The following CCDC57 variants were observed in gnomAD, a reference collection of about 807,000 sequenced individuals.
CCDC57 encodes the protein coiled-coil domain-containing protein 57.
Under a neutral mutation model 118.9 loss-of-function variants are expected in CCDC57, and 118 were observed. That is an observed-to-expected ratio of 0.99 (90% CI 0.86 to 1.16). The LOEUF is 1.16. Ranked by LOEUF, CCDC57 falls within the 50% of genes most tolerant of loss-of-function variation. The pLI, the probability that CCDC57 is intolerant of heterozygous loss-of-function variation, is 0.00. For missense variants in CCDC57, 1,300 were observed against 1,320.7 expected (o/e 0.98, Z 0.24); for synonymous variants, 527 against 532.9 (o/e 0.99, Z 0.15).
At chr17:82,166,169 T>C (rs887545463) in intron 13 of CCDC57, among the ~76,000 whole-genome samples, 3 of 151,672 alleles carry the variant, frequency 2.0e-5, no homozygotes, top group Non-Finnish European at 4.4e-5. Context: ...AAAATCTCAA[T>C]GTGAATGAAA....
chr17:82,166,779 C>T (rs2044037541), intron 13 of CCDC57, among the ~76,000 whole-genome samples: 1 of 151,386 alleles, frequency 6.6e-6, no homozygotes. Context: ...TGTGGTGGTG[C>T]ACACCTGTAG....
intron 13 of CCDC57, among the ~76,000 whole-genome samples, chr17:82,166,002 A>G (rs2043945916): frequency 6.6e-6 from 1 of 152,196 alleles, no homozygotes; most frequent in Non-Finnish European, 1.5e-5. Context: ...TCCATGATAC[A>G]GTAACAAATT....
chr17:82,102,254 C>T (rs540458463), intron 19 of CCDC57, among the ~76,000 whole-genome samples: 31 of 152,302 alleles, frequency 2.0e-4, no homozygotes, highest in African/African-American at 7.2e-4. Context: ...AAGCTCCTCC[C>T]CCCAGGCTGC....
At chr17:82,140,498 G>T (rs2039872967) in intron 16 of CCDC57, among the ~76,000 whole-genome samples, 1 of 152,220 alleles carries the variant, frequency 6.6e-6, no homozygotes, top group Non-Finnish European at 1.5e-5. Flanking sequence ...CGGGATTACA[G>T]GTGTGAGCCA....
At chr17:82,184,033 A>T (rs11650529) in intron 8 of CCDC57, 101 bp from the exon 8 acceptor site, 7 of 171,424 alleles carry the variant, frequency 4.1e-5, no homozygotes, top group Non-Finnish European at 7.2e-5. Flanking sequence ...GCGCGCGCGC[A>T]CACACACACA....
At chr17:82,137,013 CTTTTTT>C (rs36143411) in intron 16 of CCDC57, among the ~76,000 whole-genome samples, 1 of 125,226 alleles carries the variant, frequency 8.0e-6, no homozygotes, top group South Asian at 2.5e-4. Flanking sequence ...TGGTGTACTA[CTTTTTT>C]TTTTTTTTTT....
At position 82,134,121 on chromosome 17, in the gene CCDC57, CA is replaced by C; in HGVS notation, c.2528del (p.Leu843TrpfsTer60). Reference sequence around the variant, plus strand: ...CCTGTCCCAAAGGTGGGCTGCGATCCAAAGGCCTCCTGGGCTCCTCGCCTGG... The same window carrying C: ...CCTGTCCCAAAGGTGGGCTGCGATCCAAGGCCTCCTGGGCTCCTCGCCTGG... On this transcript the variant is annotated frameshift_variant, in exon 17 of 20. Transcript: ENST00000665763. LOFTEE classifies it high-confidence loss of function. 1 of 1,415,086 alleles carries C rather than the reference CA, an allele frequency of 7.1e-7. No individual in the cohort carries two copies. The highest frequency in any genetic ancestry group is 9.2e-7 in the Non-Finnish European group (1 of 1,081,836). The allele number at this position is 1,415,086 out of a possible 1,614,324, so 87.7% of individuals were successfully genotyped here.
intron 3 of CCDC57, among the ~76,000 whole-genome samples, chr17:82,198,992 CAAAAAAAA>C (rs34649384): frequency 5.7e-5 from 5 of 87,574 alleles, no homozygotes; most frequent in East Asian, 7.0e-4. Context: ...GACTCCATCT[CAAAAAAAA>C]AAAAAAAAAG....
chr17:82,106,198 G>A, intron 19 of CCDC57: 1 of 152,584 alleles, frequency 6.6e-6, no homozygotes, highest in Non-Finnish European at 1.5e-5. Flanking sequence ...GCAAGCTGGA[G>A]CCCCAAGGAA....
At chr17:82,110,483 C>T (rs1010256188) in intron 19 of CCDC57, among the ~76,000 whole-genome samples, 3 of 152,150 alleles carry the variant, frequency 2.0e-5, no homozygotes, top group Non-Finnish European at 4.4e-5. Flanking sequence ...CATTCATCAA[C>T]GGGGACTGGT....
intron 19 of CCDC57, among the ~76,000 whole-genome samples, chr17:82,104,618 A>G (rs2034708857): frequency 1.3e-5 from 2 of 152,204 alleles, no homozygotes; most frequent in African/African-American, 4.8e-5. Context: ...AGCTCACTGC[A>G]AGCTCCGCCT....
intron 11 of CCDC57, among the ~76,000 whole-genome samples, chr17:82,175,000 A>T (rs1305458065): frequency 6.6e-6 from 1 of 152,244 alleles, no homozygotes; most frequent in East Asian, 1.9e-4. Flanking sequence ...GGGTACAACA[A>T]CAGGAAACTG....
intron 16 of CCDC57, among the ~76,000 whole-genome samples, chr17:82,135,687 C>G (rs2039053669): frequency 1.3e-5 from 2 of 152,176 alleles, no homozygotes; most frequent in South Asian, 4.1e-4. Flanking sequence ...ACACTCAACA[C>G]CATTGGTCAC....
chr17:82,138,803 C>A (rs886547094), intron 16 of CCDC57, among the ~76,000 whole-genome samples: 1 of 152,004 alleles, frequency 6.6e-6, no homozygotes, highest in Admixed American at 6.6e-5. Flanking sequence ...GTGCCCACGG[C>A]GCTTCTCTTC....
At chr17:82,176,716 C>T (rs554130280) in intron 11 of CCDC57, among the ~76,000 whole-genome samples, 22 of 152,280 alleles carry the variant, frequency 1.4e-4, no homozygotes, top group South Asian at 6.2e-4. Flanking sequence ...ATCACCCCAA[C>T]GGTACAACTC....
chr17:82,157,671 G>A (rs1285024281), intron 15 of CCDC57, 77 bp downstream of exon 14: 33 of 1,501,304 alleles, frequency 2.2e-5, no homozygotes, highest in African/African-American at 2.8e-5. Context: ...AGACAGCAAC[G>A]CTGGCAGAGC....
intron 19 of CCDC57, chr17:82,126,247 T>A: frequency 2.4e-6 from 1 of 420,310 alleles, no homozygotes; most frequent in African/African-American, 2.3e-5. Context: ...GCCATTGCAC[T>A]CCAGCCCGAG....
intron 16 of CCDC57, among the ~76,000 whole-genome samples, chr17:82,145,337 A>C (rs2040576949): frequency 6.9e-6 from 1 of 145,908 alleles, no homozygotes; most frequent in African/African-American, 2.5e-5. Context: ...ACTTGAGGTC[A>C]TGAGTATGAG....
chr17:82,184,016 TGC>T (rs141760654), intron 8 of CCDC57, 84 bp from the exon 8 acceptor site: 11,514 of 303,342 alleles, frequency 0.038, 523 homozygotes, highest in East Asian at 0.054. Flanking sequence ...CAAATACACA[TGC>T]GCGCGCGCGC....
Sources: gnomAD v4.1 joint callset for allele counts (sites outside exome capture counted in the v4.1 genomes callset) on GRCh38, gnomAD v4.1.1 for gene constraint, MANE v1.5 for transcripts, NCBI Gene and HGNC (gene_info 2026-07-23, HGNC 2026-07-21) for gene names.